Variants in ZNF385D observed in about 807,000 individuals in gnomAD.
ZNF385D encodes the protein zinc finger protein 385D.
In ZNF385D, 15 loss-of-function variants were observed where a neutral mutation model predicts 35.8. That is an observed-to-expected ratio of 0.42 (90% CI 0.28 to 0.64). The LOEUF (loss-of-function observed/expected upper bound fraction) is 0.64, where lower values mean the gene tolerates loss of function less well. Among genes scored for constraint, ZNF385D ranks in the 30% least tolerant of loss-of-function variants. The pLI is 0.23. For missense variants in ZNF385D, 474 were observed against 494.6 expected (o/e 0.96, Z 0.39); for synonymous variants, 212 against 186.8 (o/e 1.13, Z -1.10).
At chr3:21,918,657 A>G (rs940353243) in intron 3 of ZNF385D, among the ~76,000 whole-genome samples, 11 of 152,238 alleles carry the variant, frequency 7.2e-5, no homozygotes, top group African/African-American at 2.7e-4. Flanking sequence ...TTAAGAAACA[A>G]CAATAAATTA....
intron 4 of ZNF385D, among the ~76,000 whole-genome samples, chr3:21,448,145 T>C (rs563085662): frequency 1.3e-5 from 2 of 152,252 alleles, no homozygotes; most frequent in East Asian, 1.9e-4. Flanking sequence ...CTCAGACATC[T>C]AGATTAAAGG....
chr3:21,476,626 A>G (rs1264453008), intron 4 of ZNF385D, among the ~76,000 whole-genome samples: 1 of 152,064 alleles, frequency 6.6e-6, no homozygotes, highest in Non-Finnish European at 1.5e-5. Flanking sequence ...AATATATAAA[A>G]TATATTTGTT....
chr3:22,264,792 A>G (rs753341790), intron 2 of ZNF385D, among the ~76,000 whole-genome samples: 3 of 152,000 alleles, frequency 2.0e-5, no homozygotes, highest in African/African-American at 4.8e-5. Flanking sequence ...GAAATAAAAA[A>G]TATTTCATTA....
At chr3:21,938,692 T>C (rs1701374633) in intron 3 of ZNF385D, among the ~76,000 whole-genome samples, 1 of 152,174 alleles carries the variant, frequency 6.6e-6, no homozygotes, top group Non-Finnish European at 1.5e-5. Flanking sequence ...ATTCCTTTCT[T>C]ACCGTGCTTC....
At chr3:21,610,517 T>G (rs145973224) in intron 2 of ZNF385D, among the ~76,000 whole-genome samples, 1 of 152,012 alleles carries the variant, frequency 6.6e-6, no homozygotes, top group African/African-American at 2.4e-5. Flanking sequence ...ACGCCTGTAA[T>G]CCCAGCACTC....
intron 3 of ZNF385D, among the ~76,000 whole-genome samples, chr3:22,003,062 A>G (rs1474609502): frequency 6.6e-6 from 1 of 152,230 alleles, no homozygotes; most frequent in Non-Finnish European, 1.5e-5. Context: ...ATGGTACTGG[A>G]AGTCCTAGCC....
In ZNF385D at chr3:21,912,920, G is replaced by T. The variant is rs141664149; in HGVS notation, c.326-247892C>A. ...AAACTATCTTGGCTTCCACATCTAA[G>T]AAATTGAAACGGTACTGACAATCTT... is the stretch of plus-strand genomic sequence containing the variant. On this transcript the variant is annotated intron_variant, in intron 3 of 5. Transcript: ENST00000494108. 1.4e-4 allele frequency among the ~76,000 whole-genome samples: 22 copies of T among 152,096 alleles called. No homozygotes were observed. The Middle Eastern group carries it at 0.014, about 94-fold the overall frequency.
At chr3:22,002,713 TCAA>T (rs1376838547) in intron 3 of ZNF385D, among the ~76,000 whole-genome samples, 2 of 152,226 alleles carry the variant, frequency 1.3e-5, no homozygotes, top group South Asian at 4.1e-4. Context: ...CAAACTGAAT[TCAA>T]CAACACTTCA....
chr3:21,651,274 C>T (rs149734834), intron 2 of ZNF385D, among the ~76,000 whole-genome samples: 2,956 of 107,238 alleles, frequency 0.028, 99 homozygotes, highest in African/African-American at 0.1. Flanking sequence ...GGCGACAGAG[C>T]GAGACTTCAT....
chr3:21,608,023 G>GTTTTTTTTTGTTTTTTTTTTTTTTTTT (rs1553622610), intron 2 of ZNF385D, among the ~76,000 whole-genome samples: 3 of 120,220 alleles, frequency 2.5e-5, no homozygotes, highest in African/African-American at 9.6e-5. Context: ...TTTTTTTTTT[G>GTTTTTTTTTGTTTTTTTTTTTTTTTTT]TTTTTTTTTT....
intron 1 of ZNF385D, among the ~76,000 whole-genome samples, chr3:21,668,506 T>G (rs1171906355): frequency 6.6e-6 from 1 of 152,176 alleles, no homozygotes; most frequent in Admixed American, 6.5e-5. Context: ...TCAGAATAAC[T>G]TGATCTGTGA....
chr3:22,285,401 G>C (rs1363254137), intron 2 of ZNF385D, among the ~76,000 whole-genome samples: 1 of 152,070 alleles, frequency 6.6e-6, no homozygotes, highest in Non-Finnish European at 1.5e-5. Context: ...TAGTCAGTGA[G>C]AAAGACTGAA....
chr3:21,984,126 T>C (rs1434141640), intron 3 of ZNF385D, among the ~76,000 whole-genome samples: 24 of 138,002 alleles, frequency 1.7e-4, no homozygotes, highest in African/African-American at 6.7e-4. Context: ...GCCTGTTCAC[T>C]CTGATGGTAG....
At chr3:21,922,027 G>A (rs1700489041) in intron 3 of ZNF385D, among the ~76,000 whole-genome samples, 1 of 152,014 alleles carries the variant, frequency 6.6e-6, no homozygotes, top group African/African-American at 2.4e-5. Flanking sequence ...AACAAAACCT[G>A]CCAAAGACAC....
At chr3:21,687,881 C>G (rs1431119282) in intron 1 of ZNF385D, among the ~76,000 whole-genome samples, 3 of 151,964 alleles carry the variant, frequency 2.0e-5, no homozygotes, top group Non-Finnish European at 2.9e-5. Context: ...GTAGAAAAGT[C>G]TGACAATGTA....
At chr3:22,311,383 G>A (rs941266600) in intron 2 of ZNF385D, among the ~76,000 whole-genome samples, 1 of 151,778 alleles carries the variant, frequency 6.6e-6, no homozygotes, top group African/African-American at 2.4e-5. Flanking sequence ...TTGCTTTTTG[G>A]GTTAATATTT....
rs1389023191 is a variant in ZNF385D at position 21,416,323 on chromosome 3, C to T, written c.*4891G>A. ...GGGATTACAGGCGTGAGCCACCGCG[C>T]CCGGCCATGAACTTCTAATAAAATA... On this transcript the variant is annotated 3_prime_UTR_variant, in exon 8 of 8. Transcript: ENST00000281523. 5.9e-4 allele frequency: 4 copies of T among 6,798 alleles called. 2 individuals carry two copies. The East Asian group carries it at 8.4e-3, about 14-fold the overall frequency. 0.4% of individuals were successfully genotyped at this position (6,798 alleles called of 1,614,324 possible).
At chr3:21,724,834 T>C (rs978737845) in intron 1 of ZNF385D, among the ~76,000 whole-genome samples, 1 of 151,392 alleles carries the variant, frequency 6.6e-6, no homozygotes, top group Non-Finnish European at 1.5e-5. Flanking sequence ...CAAGCAGACC[T>C]AATAGACATC....
chr3:21,987,733 A>G (rs2125386959), intron 3 of ZNF385D, among the ~76,000 whole-genome samples: 1 of 144,930 alleles, frequency 6.9e-6, no homozygotes, highest in African/African-American at 2.6e-5. Flanking sequence ...TAGGTTGGGG[A>G]AGTTCTCCTG....
Sources: allele counts gnomAD v4.1 joint callset (sites outside exome capture counted in the v4.1 genomes callset), GRCh38; gene constraint gnomAD v4.1.1; transcripts MANE v1.5; gene names NCBI Gene and HGNC (gene_info 2026-07-23, HGNC 2026-07-21).